The following CNTNAP5 variants were observed in gnomAD, a reference collection of about 807,000 sequenced individuals.
The protein encoded by CNTNAP5 is contactin associated protein family member 5.
CNTNAP5 carries 72 observed loss-of-function variants against 150.2 expected under a neutral mutation model. The observed-to-expected ratio is 0.48, with a 90% CI of 0.40 to 0.58. The LOEUF (loss-of-function observed/expected upper bound fraction) is 0.58. Among genes scored for constraint, CNTNAP5 ranks in the 20% least tolerant of loss-of-function variants. The probability of loss-of-function intolerance (pLI) is 0.00; values close to 1 mark genes in which losing one functional copy is unlikely to be tolerated. For missense variants in CNTNAP5, 1,636 were observed against 1,626.2 expected (o/e 1.01, Z -0.10); for synonymous variants, 672 against 619.8 (o/e 1.08, Z -1.25).
chr2:124,383,857 T>G (rs967274908), intron 3 of CNTNAP5, among the ~76,000 whole-genome samples: 2 of 152,188 alleles, frequency 1.3e-5, no homozygotes, highest in African/African-American at 4.8e-5. Flanking sequence ...AAACAACCAA[T>G]ATCATATTAT....
chr2:124,706,730 G>A (rs1299649997), intron 13 of CNTNAP5, among the ~76,000 whole-genome samples: 1 of 138,600 alleles, frequency 7.2e-6, no homozygotes, highest in Admixed American at 7.6e-5. Flanking sequence ...CTGAGTGACA[G>A]AGTGAGACTC....
intron 4 of CNTNAP5, among the ~76,000 whole-genome samples, chr2:124,419,991 T>TCTTTC (rs56993780): frequency 2.4e-5 from 3 of 123,746 alleles, no homozygotes; most frequent in Non-Finnish European, 3.4e-5. Context: ...TTTCTTTCTT[T>TCTTTC]TTTTTTTTTT....
chr2:124,817,660 T>G (rs2104665232), intron 19 of CNTNAP5, among the ~76,000 whole-genome samples: 1 of 152,286 alleles, frequency 6.6e-6, no homozygotes, highest in South Asian at 2.1e-4. Flanking sequence ...AGGATAAAAT[T>G]ATTCAGTTAC....
intron 3 of CNTNAP5, among the ~76,000 whole-genome samples, chr2:124,405,875 C>G (rs1192367450): frequency 6.6e-6 from 1 of 152,182 alleles, no homozygotes; most frequent in Admixed American, 6.5e-5. Context: ...TTCCAATCTA[C>G]TAATATTCTG....
At chr2:124,508,395 C>T (rs892312670) in intron 8 of CNTNAP5, among the ~76,000 whole-genome samples, 3 of 152,130 alleles carry the variant, frequency 2.0e-5, no homozygotes, top group African/African-American at 7.2e-5. Context: ...AAAAGAAAAA[C>T]GTGAGCTGGC....
intron 11 of CNTNAP5, among the ~76,000 whole-genome samples, chr2:124,564,592 G>A (rs1695970880): frequency 6.6e-6 from 1 of 152,230 alleles, no homozygotes; most frequent in Admixed American, 6.5e-5. Flanking sequence ...CTGACCTCGT[G>A]TTCCGCCTGC....
intron 12 of CNTNAP5, among the ~76,000 whole-genome samples, chr2:124,628,913 C>T (rs948342858): frequency 2.0e-5 from 3 of 152,068 alleles, no homozygotes; most frequent in Admixed American, 6.6e-5. Context: ...GAGTAGCAAT[C>T]CTAGTTTCTG....
intron 13 of CNTNAP5, among the ~76,000 whole-genome samples, chr2:124,673,214 T>C (rs531615854): frequency 1.3e-5 from 2 of 149,134 alleles, no homozygotes; most frequent in Admixed American, 6.7e-5. Context: ...AAGAGTCGAG[T>C]ACACAATCTT....
At chr2:124,072,848 G>GA (rs1682339872) in intron 1 of CNTNAP5, among the ~76,000 whole-genome samples, 1 of 151,954 alleles carries the variant, frequency 6.6e-6, no homozygotes, top group South Asian at 2.1e-4. Flanking sequence ...CACAGAAATA[G>GA]AAAAAAGAAT....
intron 13 of CNTNAP5, among the ~76,000 whole-genome samples, chr2:124,649,162 G>A (rs934254266): frequency 2.6e-4 from 40 of 152,246 alleles, no homozygotes; most frequent in Non-Finnish European, 5.0e-4. Context: ...AACATAAAAT[G>A]TAACCTTTCT....
At chr2:124,645,126 GTTAT>G (rs1678177060) in intron 12 of CNTNAP5, among the ~76,000 whole-genome samples, 1 of 151,848 alleles carries the variant, frequency 6.6e-6, no homozygotes, top group East Asian at 1.9e-4. Flanking sequence ...AAGATTTTTG[GTTAT>G]TTTATCAGCA....
chr2:124,478,685 C>T (rs1348737006), intron 7 of CNTNAP5, among the ~76,000 whole-genome samples: 1 of 152,144 alleles, frequency 6.6e-6, no homozygotes, highest in Admixed American at 6.5e-5. Flanking sequence ...GCTACAAAAT[C>T]AGCTTTGCTC....
Position 124,239,720 on chromosome 2 carries a change from G to A in CNTNAP5, c.188-2480G>A, listed in dbSNP as rs370297683. ...TTTTTTTTTTTTACTGAGAAAGAAT[G>A]CAGCCTCATGAACTGGGCAGCAGAA... On this transcript the variant is annotated intron_variant, in intron 2 of 23. Transcript: ENST00000682447. Among the ~76,000 whole-genome samples the A allele has an allele frequency of 2.7e-4, 41 of 151,636 alleles. No homozygotes were observed. In the South Asian group the frequency reaches 7.5e-3, roughly 28 times the overall value.
rs376922329 is a variant in CNTNAP5 at position 124,350,876 on chromosome 2, G to A, written c.382-66567G>A. Among the ~76,000 whole-genome samples the A allele has an allele frequency of 2.7e-5, 4 of 150,342 alleles. No individual in the cohort carries two copies. The East Asian group carries it at 5.9e-4, about 22-fold the overall frequency. ...CCCTCTCTTTAAAGCCTTTTTTTTCGGCATGTTGCCTCATATTTAAAAAAT... is the reference window on the plus strand; with the variant it reads ...CCCTCTCTTTAAAGCCTTTTTTTTCAGCATGTTGCCTCATATTTAAAAAAT... On this transcript the variant is annotated intron_variant, in intron 3 of 23. Transcript: ENST00000682447.
rs1335538464 is a variant in CNTNAP5 at position 124,914,125 on chromosome 2, G to A, written c.3761G>A (p.Cys1254Tyr). ...GCAGTGGTGATATTCATCATCTTCT[G>A]TATCATCGGCATCATGACCCGGTTC... Reference protein sequence around the residue: ...VIAVVIFIIFCIIGIMTRFLY... With the variant: ...VIAVVIFIIFYIIGIMTRFLY... The change falls in exon 24 of 24, where the codon TGT (cysteine) becomes TAT (tyrosine). Residue 1254 changes from cysteine to tyrosine, a missense_variant. By Grantham distance (194) the Cys-to-Tyr change is radical. Coordinates refer to ENST00000682447, the MANE Select transcript of CNTNAP5 (RefSeq NM_001367498.1). 9.9e-6 allele frequency: 16 copies of A among 1,612,192 alleles called. No individual in the cohort carries two copies. The highest frequency in any genetic ancestry group is 1.4e-5 in the Non-Finnish European group (16 of 1,178,874).
intron 11 of CNTNAP5, among the ~76,000 whole-genome samples, chr2:124,578,564 A>G (rs1397963026): frequency 2.0e-5 from 3 of 152,034 alleles, no homozygotes; most frequent in Non-Finnish European, 4.4e-5. Flanking sequence ...TGAGCTCAGG[A>G]GTTTGAGACC....
In CNTNAP5 at chr2:124,858,809, G is replaced by T. The variant is rs577302781; in HGVS notation, c.3218-6497G>T. Among the ~76,000 whole-genome samples the T allele has an allele frequency of 2.0e-5, 3 of 152,152 alleles. No individual in the cohort carries two copies. The East Asian group carries it at 5.8e-4, about 29-fold the overall frequency. Reference sequence around the variant, plus strand: ...AGCAGCAAAGTAAGAGCAAATCAAAGCCAAAATTAGTAGAAGAAAAGAAAT... The same window carrying T: ...AGCAGCAAAGTAAGAGCAAATCAAATCCAAAATTAGTAGAAGAAAAGAAAT... On this transcript the variant is annotated intron_variant, in intron 19 of 23. Coordinates refer to ENST00000682447, the MANE Select transcript of CNTNAP5 (RefSeq NM_001367498.1).
intron 11 of CNTNAP5, among the ~76,000 whole-genome samples, chr2:124,598,876 C>T (rs1208290486): frequency 2.6e-5 from 4 of 152,070 alleles, no homozygotes; most frequent in Non-Finnish European, 4.4e-5. Flanking sequence ...GTCTGAAAAG[C>T]GCAATATTCG....
intron 13 of CNTNAP5, among the ~76,000 whole-genome samples, chr2:124,744,109 A>T (rs1680556723): frequency 6.6e-6 from 1 of 152,150 alleles, no homozygotes; most frequent in South Asian, 2.1e-4. Flanking sequence ...CCCCACCCAA[A>T]TCTCATCCTG....
Sources: gnomAD v4.1 joint callset for allele counts (sites outside exome capture counted in the v4.1 genomes callset) on GRCh38, gnomAD v4.1.1 for gene constraint, MANE v1.5 for transcripts, NCBI Gene and HGNC (gene_info 2026-07-23, HGNC 2026-07-21) for gene names.